RABGAP1L: variants seen among roughly 807,000 people sequenced by gnomAD.
RABGAP1L encodes RAB GTPase activating protein 1 like.
Under a neutral mutation model 137.7 loss-of-function variants are expected in RABGAP1L, and 63 were observed. The observed-to-expected ratio is 0.46, with a 90% CI of 0.37 to 0.56. RABGAP1L has a LOEUF of 0.56. Among genes scored for constraint, RABGAP1L ranks in the 20% least tolerant of loss-of-function variants. The pLI is 0.00. For synonymous variants in RABGAP1L, 431 were observed against 433.7 expected (o/e 0.99, Z 0.08); for missense variants, 1,095 against 1,244.0 (o/e 0.88, Z 1.80).
Position 174,169,083 on chromosome 1 carries a change from A to G in RABGAP1L, c.-34+9426A>G, listed in dbSNP as rs145748890. Among the ~76,000 whole-genome samples the G allele has an allele frequency of 1.1e-3, 172 of 152,366 alleles. 1 individual carries two copies. Among genetic ancestry groups the G allele is most frequent in the African/African-American group, 4.1e-3 (169 of 41,592 alleles). Reference sequence around the variant, plus strand: ...TTACATATGATAATGTAGGCCTCTTAAGTTAAAAAACATTCTGACATGCAT... The same window carrying G: ...TTACATATGATAATGTAGGCCTCTTGAGTTAAAAAACATTCTGACATGCAT... On this transcript the variant is annotated intron_variant, in intron 1 of 25. Coordinates refer to ENST00000681986, the MANE Select transcript of RABGAP1L (RefSeq NM_001366446.1).
chr1:174,808,278 T>C (rs548489103), intron 18 of RABGAP1L, among the ~76,000 whole-genome samples: 13 of 151,946 alleles, frequency 8.6e-5, no homozygotes, highest in African/African-American at 2.7e-4. Flanking sequence ...TGAGCTACCG[T>C]GCCCAGCCAA....
At chr1:174,368,551 G>A (rs1183454228) in intron 11 of RABGAP1L, among the ~76,000 whole-genome samples, 2 of 151,920 alleles carry the variant, frequency 1.3e-5, no homozygotes, top group Non-Finnish European at 2.9e-5. Flanking sequence ...TCATGAAATG[G>A]GGTTTTCTAT....
chr1:174,218,638 A>T (rs1205255319), intron 1 of RABGAP1L, among the ~76,000 whole-genome samples: 1 of 152,164 alleles, frequency 6.6e-6, no homozygotes, highest in Non-Finnish European at 1.5e-5. Flanking sequence ...AACTTTAGTT[A>T]CTCAGAAAAA....
intron 13 of RABGAP1L, chr1:174,547,730 G>C: frequency 2.1e-6 from 2 of 946,676 alleles, no homozygotes; most frequent in Non-Finnish European, 1.5e-6. Context: ...TATCTGCAAA[G>C]TTTGGATATG....
At chr1:174,251,711 A>G (rs1252531496) in intron 6 of RABGAP1L, among the ~76,000 whole-genome samples, 2 of 152,170 alleles carry the variant, frequency 1.3e-5, no homozygotes, top group Admixed American at 6.5e-5. Flanking sequence ...TCATGGATAC[A>G]TCACAGTCAT....
At chr1:174,265,332 T>C (rs1673969669) in intron 7 of RABGAP1L, among the ~76,000 whole-genome samples, 1 of 152,172 alleles carries the variant, frequency 6.6e-6, no homozygotes, top group Non-Finnish European at 1.5e-5. Context: ...TTAAACCATG[T>C]CAGACTTTGA....
At chr1:174,782,250 G>C (rs1687071691) in intron 18 of RABGAP1L, among the ~76,000 whole-genome samples, 1 of 152,070 alleles carries the variant, frequency 6.6e-6, no homozygotes, top group East Asian at 1.9e-4. Context: ...ATTGAGCAGT[G>C]GTTTGCAGTT....
intron 14 of RABGAP1L, among the ~76,000 whole-genome samples, chr1:174,674,404 A>G (rs966178458): frequency 1.3e-5 from 2 of 149,840 alleles, no homozygotes; most frequent in Non-Finnish European, 3.0e-5. Flanking sequence ...ATGTCCCTAC[A>G]AAGGGCATGA....
At chr1:174,452,761 C>T (rs939298834) in intron 13 of RABGAP1L, among the ~76,000 whole-genome samples, 2 of 151,982 alleles carry the variant, frequency 1.3e-5, no homozygotes, top group African/African-American at 4.8e-5. Flanking sequence ...CGGGGTTTCG[C>T]GGCGTTAGTC....
chr1:174,364,862 T>TACC (rs1398975773), intron 11 of RABGAP1L, among the ~76,000 whole-genome samples: 1 of 152,152 alleles, frequency 6.6e-6, no homozygotes, highest in African/African-American at 2.4e-5. Flanking sequence ...CTTCCAGGAC[T>TACC]GGGTTCTTCC....
intron 19 of RABGAP1L, among the ~76,000 whole-genome samples, chr1:174,876,144 T>C (rs1172404528): frequency 6.6e-6 from 1 of 152,182 alleles, no homozygotes; most frequent in Non-Finnish European, 1.5e-5. Flanking sequence ...TTGGAAAACA[T>C]GGGAAAATAA....
chr1:174,849,895 C>A, intron 19 of RABGAP1L: 1 of 590,244 alleles, frequency 1.7e-6, no homozygotes, highest in South Asian at 1.4e-5. Flanking sequence ...AATCTGAATT[C>A]TTTCAGCTCT....
At chr1:174,956,303 ATTC>A (rs1668516547) in intron 19 of RABGAP1L, among the ~76,000 whole-genome samples, 1 of 57,172 alleles carries the variant, frequency 1.7e-5, no homozygotes, top group Non-Finnish European at 3.2e-5. Flanking sequence ...CGCTCAAGCA[ATTC>A]TTCTGTCTCA....
At chr1:174,618,263 A>G (rs1023808301) in intron 13 of RABGAP1L, among the ~76,000 whole-genome samples, 12 of 152,206 alleles carry the variant, frequency 7.9e-5, no homozygotes, top group Non-Finnish European at 1.5e-4. Context: ...GCAGACTTAA[A>G]TGTCCCTGTC....
At position 174,436,033 on chromosome 1, in the gene RABGAP1L, A is replaced by C. The variant is rs1240242070; in HGVS notation, c.1710+41888A>C. 2.0e-5 allele frequency among the ~76,000 whole-genome samples: 3 copies of C among 151,978 alleles called. No individual in the cohort carries two copies. The East Asian group carries it at 5.8e-4, about 29-fold the overall frequency. On this transcript the variant is annotated intron_variant, in intron 13 of 25. Transcript: ENST00000681986. ...GTATTCCATGGTGTATATGTGCCACATTTTCTTAATCTAGTCTATCATTGT... is the reference window on the plus strand; with the variant it reads ...GTATTCCATGGTGTATATGTGCCACCTTTTCTTAATCTAGTCTATCATTGT...
At position 174,223,306 on chromosome 1, in the gene RABGAP1L, G is replaced by A. The variant is rs547896052; in HGVS notation, c.331+2142G>A. On this transcript the variant is annotated intron_variant, in intron 3 of 25. Coordinates refer to ENST00000681986, the MANE Select transcript of RABGAP1L (RefSeq NM_001366446.1). The stretch of plus-strand genomic sequence containing the variant: ...AAAAAAAAAAAAATTAGCTGGGCAG[G>A]GTGGTGAACACTTGAAATTCCAGCT... 3.4e-5 allele frequency among the ~76,000 whole-genome samples: 5 copies of A among 145,080 alleles called. No homozygotes were observed. In the East Asian group the frequency reaches 1.0e-3, roughly 29 times the overall value.
At chr1:174,209,911 A>G (rs570429635) in intron 1 of RABGAP1L, among the ~76,000 whole-genome samples, 1 of 152,306 alleles carries the variant, frequency 6.6e-6, no homozygotes, top group African/African-American at 2.4e-5. Context: ...GGGAGATTCC[A>G]TTGGTTTGAG....
intron 13 of RABGAP1L, among the ~76,000 whole-genome samples, chr1:174,608,698 G>A (rs182857217): frequency 2.0e-5 from 3 of 152,180 alleles, no homozygotes; most frequent in Non-Finnish European, 4.4e-5. Flanking sequence ...TCTATTTGAG[G>A]GTAACGGGAC....
chr1:174,544,512 G>A (rs1024208492), intron 13 of RABGAP1L, among the ~76,000 whole-genome samples: 5 of 152,060 alleles, frequency 3.3e-5, no homozygotes, highest in African/African-American at 1.2e-4. Context: ...CTTTCTTCAT[G>A]GTTTTTAGCT....
Sources: gnomAD v4.1 joint callset for allele counts (sites outside exome capture counted in the v4.1 genomes callset) on GRCh38, gnomAD v4.1.1 for gene constraint, MANE v1.5 for transcripts, NCBI Gene and HGNC (gene_info 2026-07-23, HGNC 2026-07-21) for gene names.